The following ZNF708 variants were observed in gnomAD, a reference collection of about 807,000 sequenced individuals.
ZNF708 encodes ZNF15, ZNF15L1.
ZNF708 carries 44 observed loss-of-function variants against 47.0 expected under a neutral mutation model. That is an observed-to-expected ratio of 0.94 (90% CI 0.74 to 1.20). The LOEUF (loss-of-function observed/expected upper bound fraction) is 1.20. Ranked by LOEUF, ZNF708 falls within the 50% of genes most tolerant of loss-of-function variation. ZNF708 has a pLI of 0.00. For synonymous variants in ZNF708, 184 were observed against 218.5 expected (o/e 0.84, Z 1.39); for missense variants, 557 against 656.0 (o/e 0.85, Z 1.65).
chr19:21,297,127 T>C (rs1972540637), intron 3 of ZNF708, among the ~76,000 whole-genome samples: 1 of 149,820 alleles, frequency 6.7e-6, no homozygotes, highest in South Asian at 2.1e-4. Context: ...AGCAAGACTG[T>C]CTCTCAAAAA....
At chr19:21,317,117 C>A (rs1393268149) in intron 1 of ZNF708, among the ~76,000 whole-genome samples, 32 of 144,146 alleles carry the variant, frequency 2.2e-4, no homozygotes, top group South Asian at 2.2e-4. Context: ...ACTACAAATA[C>A]AAAAAAAAAA....
At chr19:21,304,864 T>G (rs954429868) in intron 3 of ZNF708, among the ~76,000 whole-genome samples, 6 of 152,030 alleles carry the variant, frequency 3.9e-5, no homozygotes, top group African/African-American at 1.4e-4. Context: ...CAGAGTAATA[T>G]CCTGTCTCAA....
intron 1 of ZNF708, among the ~76,000 whole-genome samples, chr19:21,313,531 G>T (rs1045100017): frequency 6.6e-6 from 1 of 151,932 alleles, no homozygotes; most frequent in East Asian, 1.9e-4. Flanking sequence ...AGGCCCAGGC[G>T]GGCAGATCAT....
intron 3 of ZNF708, among the ~76,000 whole-genome samples, chr19:21,296,898 TGAG>T (rs1466083816): frequency 4.0e-5 from 6 of 151,856 alleles, no homozygotes; most frequent in Non-Finnish European, 8.8e-5. Context: ...TTTGGGAGGC[TGAG>T]GAGGGCGGAT....
At chr19:21,314,572 A>G (rs779558100) in intron 1 of ZNF708, among the ~76,000 whole-genome samples, 9 of 152,144 alleles carry the variant, frequency 5.9e-5, no homozygotes, top group Non-Finnish European at 1.3e-4. Context: ...CCATTTATTC[A>G]GTTGCTAGTC....
intron 1 of ZNF708, among the ~76,000 whole-genome samples, chr19:21,321,281 G>A (rs964570949): frequency 6.6e-5 from 10 of 151,940 alleles, no homozygotes; most frequent in Non-Finnish European, 1.0e-4. Flanking sequence ...GCCTACTTGA[G>A]GGTGGAAGGT....
At chr19:21,324,199 G>C (rs1678827) in intron 1 of ZNF708, among the ~76,000 whole-genome samples, 1 of 151,864 alleles carries the variant, frequency 6.6e-6, no homozygotes, top group South Asian at 2.1e-4. Context: ...AGCTGAGATC[G>C]CGCCACTGCA....
At position 21,329,249 on chromosome 19, in the gene ZNF708, G is replaced by A. The variant is rs1349885258; in HGVS notation, c.-37C>T. 4.3e-6 allele frequency: 7 copies of A among 1,610,096 alleles called. No homozygotes were observed. The highest frequency in any genetic ancestry group is 5.1e-6 in the Non-Finnish European group (6 of 1,177,390). ...CAGAGGGTCCTGGAGTCTTAGCTGT[G>A]GATCTCCCAATACCTGCAGGTCACA... On this transcript the variant is annotated 5_prime_UTR_variant, in exon 1 of 4. Coordinates refer to ENST00000356929, the MANE Select transcript of ZNF708 (RefSeq NM_021269.3).
At chr19:21,298,065 C>T (rs1972577120) in intron 3 of ZNF708, among the ~76,000 whole-genome samples, 1 of 151,750 alleles carries the variant, frequency 6.6e-6, no homozygotes, top group Non-Finnish European at 1.5e-5. Context: ...TGAAGAAACA[C>T]ACAGAGAGCA....
rs113826854 is a variant in ZNF708, at chr19:21,294,735, C to A, written c.231G>T (p.Met77Ile). 3.3e-5 allele frequency: 52 copies of A among 1,553,934 alleles called. No homozygotes were observed. The African/African-American group carries it at 5.9e-4, about 18-fold the overall frequency. Residue 77 changes from methionine (M) to isoleucine (I), a missense_variant, in exon 4 of 4, where the codon ATG (methionine) becomes ATT (isoleucine). Transcript: ENST00000356929. The part of the protein sequence containing the change: ...RHEMAAKPPA[M>I]CSHFAKDLRP... ...TAAGGTCTTTGGCAAAATGAGAACACATAGCTGAAAGAAATAAAAATAACA... is the reference window on the plus strand; with the variant it reads ...TAAGGTCTTTGGCAAAATGAGAACAAATAGCTGAAAGAAATAAAAATAACA...
At chr19:21,309,456 C>T in intron 2 of ZNF708, 115 bp from the exon 3 acceptor site, 1 of 1,028,186 alleles carries the variant, frequency 9.7e-7, no homozygotes, top group Non-Finnish European at 1.3e-6. Context: ...CCTGGTAATC[C>T]CAGCACTCTG....
intron 3 of ZNF708, among the ~76,000 whole-genome samples, chr19:21,299,699 G>A (rs1319875585): frequency 6.6e-6 from 1 of 151,316 alleles, no homozygotes; most frequent in African/African-American, 2.4e-5. Flanking sequence ...CTTGAACCCA[G>A]GAGGCGGAGG....
chr19:21,296,503 AAAAT>A (rs1380662527), intron 3 of ZNF708, among the ~76,000 whole-genome samples: 3 of 151,998 alleles, frequency 2.0e-5, no homozygotes, highest in Non-Finnish European at 4.4e-5. Flanking sequence ...ACTCCTTCTC[AAAAT>A]AAATAAATAA....
chr19:21,324,905 T>C (rs1973225615), intron 1 of ZNF708, among the ~76,000 whole-genome samples: 1 of 151,888 alleles, frequency 6.6e-6, no homozygotes. Flanking sequence ...TCAGCAATTA[T>C]CTACCACATT....
chr19:21,291,713 A>T lies in ZNF708; in HGVS notation c.*1561T>A, dbSNP rs1323498320. 1 of 151,942 alleles carries T rather than the reference A, an allele frequency of 6.6e-6. No homozygotes were observed. Among genetic ancestry groups the T allele is most frequent in the Non-Finnish European group, 1.5e-5 (1 of 68,038 alleles). 9.4% of individuals were successfully genotyped at this position (151,942 alleles called of 1,614,324 possible). On this transcript the variant is annotated 3_prime_UTR_variant, in exon 4 of 4. Transcript: ENST00000356929. ...AACCCCGTCCCTACTAAAAATACAA[A>T]AGTCAGCCGGACGTGGTGGTGTGCA...
rs1422629871 is a variant in ZNF708 at position 21,310,582 on chromosome 19, C to T, written c.49G>A (p.Glu17Lys). The T allele has an allele frequency of 2.6e-6, 4 of 1,545,558 alleles. No individual in the cohort carries two copies. Among genetic ancestry groups the T allele is most frequent in the African/African-American group, 2.8e-5 (2 of 71,708 alleles). ...TGTGCTGTGTCCAGGCACTGCCACT[C>T]CTCCAGAGAGAATTCTATGGCCACA... ...MDVAIEFSLE[E>K]WQCLDTAQQN... Residue 17 changes from glutamate to lysine, a missense_variant, in exon 2 of 4, where the codon GAG becomes AAG. Glu to Lys is a moderately conservative substitution (Grantham distance 56). Coordinates refer to ENST00000356929, the MANE Select transcript of ZNF708 (RefSeq NM_021269.3).
intron 1 of ZNF708, among the ~76,000 whole-genome samples, chr19:21,321,966 CTAATT>C (rs1568355275): frequency 6.6e-6 from 1 of 151,836 alleles, no homozygotes; most frequent in African/African-American, 2.4e-5. Flanking sequence ...GGGCTGTACT[CTAATT>C]TATTTCTCTG....
intron 1 of ZNF708, among the ~76,000 whole-genome samples, chr19:21,325,816 G>C (rs574032): frequency 6.6e-6 from 1 of 152,184 alleles, no homozygotes; most frequent in African/African-American, 2.4e-5. Flanking sequence ...CAATCTATAC[G>C]TCTGACAAAG....
chr19:21,313,837 T>C (rs1972952262), intron 1 of ZNF708, among the ~76,000 whole-genome samples: 1 of 151,768 alleles, frequency 6.6e-6, no homozygotes, highest in Non-Finnish European at 1.5e-5. Context: ...TTTAATGTAG[T>C]TTTGAGGAAT....
Sources: gnomAD v4.1 joint callset for allele counts (sites outside exome capture counted in the v4.1 genomes callset) on GRCh38, gnomAD v4.1.1 for gene constraint, MANE v1.5 for transcripts, NCBI Gene and HGNC (gene_info 2026-07-23, HGNC 2026-07-21) for gene names.